ASB17: variants seen among roughly 807,000 people sequenced by gnomAD.
ASB17 encodes ankyrin repeat and SOCS box containing 17, also known as ankyrin repeat and SOCS box protein 17.
A neutral mutation model predicts 25.7 loss-of-function variants in ASB17; 26 were observed. The observed-to-expected ratio is 1.01, with a 90% CI of 0.74 to 1.40. ASB17 has a LOEUF of 1.40. Ranked by LOEUF, ASB17 falls within the 40% of genes most tolerant of loss-of-function variation. The pLI, the probability that ASB17 is intolerant of heterozygous loss-of-function variation, is 0.00. For missense variants in ASB17, 326 were observed against 338.5 expected, an observed-to-expected ratio of 0.96 and a Z score of 0.29; for synonymous variants, 128 against 121.4, an observed-to-expected ratio of 1.05 and a Z score of -0.36.
intron 1 of ASB17, among the ~76,000 whole-genome samples, chr1:75,929,753 G>A (rs1404374328): frequency 6.6e-6 from 1 of 152,088 alleles, no homozygotes; most frequent in Non-Finnish European, 1.5e-5. Flanking sequence ...AGGTGATGGT[G>A]AGTTCACCTA....
chr1:75,931,210 G>A (rs1223143932), intron 1 of ASB17, among the ~76,000 whole-genome samples: 2 of 152,100 alleles, frequency 1.3e-5, no homozygotes, highest in African/African-American at 4.8e-5. Flanking sequence ...GTTTTATTCA[G>A]ATGAATATCT....
intron 1 of ASB17, among the ~76,000 whole-genome samples, chr1:75,931,655 G>A (rs925977097): frequency 1.3e-5 from 2 of 152,128 alleles, no homozygotes; most frequent in East Asian, 3.9e-4. Context: ...GCACTAACAT[G>A]TAAGCTGTGT....
At chr1:75,920,779 CT>C (rs1653004496) in intron 2 of ASB17, among the ~76,000 whole-genome samples, 1 of 152,036 alleles carries the variant, frequency 6.6e-6, no homozygotes, top group East Asian at 1.9e-4. Context: ...CTTTTCTTTT[CT>C]TTTCTTTTTT....
intron 1 of ASB17, among the ~76,000 whole-genome samples, chr1:75,923,866 A>G (rs1314951176): frequency 6.6e-6 from 1 of 152,118 alleles, no homozygotes; most frequent in Non-Finnish European, 1.5e-5. Flanking sequence ...TTATTCCTTC[A>G]TTACCTAATT....
At chr1:75,928,121 T>C (rs1223025865) in intron 1 of ASB17, among the ~76,000 whole-genome samples, 1 of 152,186 alleles carries the variant, frequency 6.6e-6, no homozygotes, top group Non-Finnish European at 1.5e-5. Flanking sequence ...TATTGAGCCT[T>C]CTCAGATACC....
intron 1 of ASB17, among the ~76,000 whole-genome samples, chr1:75,928,771 C>T (rs1653240490): frequency 6.6e-6 from 1 of 152,220 alleles, no homozygotes; most frequent in South Asian, 2.1e-4. Context: ...TTCACTTACT[C>T]ATTCAACAAA....
At chr1:75,926,020 T>C (rs1653164325) in intron 1 of ASB17, among the ~76,000 whole-genome samples, 1 of 152,200 alleles carries the variant, frequency 6.6e-6, no homozygotes, top group Non-Finnish European at 1.5e-5. Context: ...ATGCATGGCC[T>C]TTAGACCAAT....
At position 75,932,182 on chromosome 1, in the gene ASB17, T is replaced by C. The variant is rs768665485; in HGVS notation, c.110A>G (p.Gln37Arg). Residue 37 changes from glutamine (Q) to arginine (R), a missense_variant, in exon 1 of 3, where the codon CAG (glutamine) becomes CGG (arginine). Coordinates refer to ENST00000284142, the MANE Select transcript of ASB17 (RefSeq NM_080868.3). ...TGGTTCGTAACAGTGATATCCCCAC[T>C]GACCCAAAAACTGTAGGGAGGGTCT... Reference protein sequence around the residue: ...VKRPSLQFLGQWGYHCYEPRI... With the variant: ...VKRPSLQFLGRWGYHCYEPRI... 3 of 1,614,142 alleles carry C rather than the reference T, an allele frequency of 1.9e-6. No individual in the cohort carries two copies. In the Admixed American group the frequency reaches 5.0e-5, roughly 27 times the overall value.
chr1:75,929,671 A>T (rs886379164), intron 1 of ASB17, among the ~76,000 whole-genome samples: 1 of 152,132 alleles, frequency 6.6e-6, no homozygotes, highest in Non-Finnish European at 1.5e-5. Context: ...TCAATAACAG[A>T]TTATAGGAGT....
At position 75,926,875 on chromosome 1, in the gene ASB17, T is replaced by A. The variant is rs570442781; in HGVS notation, c.402-4516A>T. Among the ~76,000 whole-genome samples, 20 of 135,554 alleles carry A rather than the reference T, an allele frequency of 1.5e-4. No individual in the cohort carries two copies. The East Asian group carries it at 1.7e-3, about 12-fold the overall frequency. 88.9% of individuals were successfully genotyped at this position (135,554 alleles called of 152,430 possible). A position where few individuals can be genotyped will look rare whatever the true frequency, so the allele number is the denominator to read the frequency against. ...TCTAAAACTGATTTTATAGGTTTTT[T>A]AAAATATTTTATCTCGATAAGCTTG... On this transcript the variant is annotated intron_variant, in intron 1 of 2. Coordinates refer to ENST00000284142, the MANE Select transcript of ASB17 (RefSeq NM_080868.3).
intron 1 of ASB17, among the ~76,000 whole-genome samples, chr1:75,924,465 A>C (rs2100611190): frequency 6.6e-6 from 1 of 150,492 alleles, no homozygotes; most frequent in East Asian, 2.0e-4. Flanking sequence ...GTAGCATTTT[A>C]GAAATCAAGA....
intron 1 of ASB17, among the ~76,000 whole-genome samples, chr1:75,930,023 T>A (rs907762147): frequency 5.3e-5 from 8 of 151,926 alleles, no homozygotes; most frequent in African/African-American, 1.9e-4. Context: ...CAGTTTGAGA[T>A]GCCATGTGGC....
intron 1 of ASB17, among the ~76,000 whole-genome samples, chr1:75,923,620 A>C (rs1179437033): frequency 3.3e-5 from 5 of 152,192 alleles, no homozygotes; most frequent in Admixed American, 2.6e-4. Context: ...GCAGGACAGC[A>C]CACAAAGTAT....
intron 1 of ASB17, among the ~76,000 whole-genome samples, chr1:75,926,820 G>A (rs1011525192): frequency 3.3e-5 from 5 of 152,130 alleles, no homozygotes; most frequent in African/African-American, 9.7e-5. Context: ...TCTCTACCTC[G>A]ATATCCATTA....
At chr1:75,919,208 T>C (rs570442701) in intron 2 of ASB17, 50 bp from the exon 3 acceptor site, 27 of 1,216,866 alleles carry the variant, frequency 2.2e-5, no homozygotes, top group Non-Finnish European at 1.1e-6. Flanking sequence ...TAATTTGGAT[T>C]AGTCCAAATT....
intron 1 of ASB17, among the ~76,000 whole-genome samples, chr1:75,929,631 T>C (rs917765072): frequency 7.9e-5 from 12 of 152,158 alleles, no homozygotes; most frequent in Non-Finnish European, 1.3e-4. Flanking sequence ...AGCCATTTTG[T>C]ATTTTTAAAA....
chr1:75,919,207 T>C, intron 2 of ASB17, 49 bp from the exon 3 acceptor site: 4 of 1,199,718 alleles, frequency 3.3e-6, no homozygotes, highest in Non-Finnish European at 4.7e-6. Context: ...GTAATTTGGA[T>C]TAGTCCAAAT....
At chr1:75,926,151 A>C (rs1571016955) in intron 1 of ASB17, among the ~76,000 whole-genome samples, 3 of 152,214 alleles carry the variant, frequency 2.0e-5, no homozygotes, top group African/African-American at 7.2e-5. Context: ...GGTGCTTGGG[A>C]TATATCAGGA....
intron 1 of ASB17, among the ~76,000 whole-genome samples, chr1:75,924,251 A>G (rs1393128540): frequency 6.6e-6 from 1 of 152,126 alleles, no homozygotes; most frequent in Non-Finnish European, 1.5e-5. Flanking sequence ...TTTTCAAACT[A>G]TTTTTGAAGA....
Sources: allele counts gnomAD v4.1 joint callset (sites outside exome capture counted in the v4.1 genomes callset), GRCh38; gene constraint gnomAD v4.1.1; transcripts MANE v1.5; gene names NCBI Gene and HGNC (gene_info 2026-07-23, HGNC 2026-07-21).